RBFOX1: variants seen among roughly 807,000 people sequenced by gnomAD.
The protein encoded by RBFOX1 is RNA binding fox-1 homolog 1.
In RBFOX1, 8 loss-of-function variants were observed where a neutral mutation model predicts 57.7. That is an observed-to-expected ratio of 0.14 (90% CI 0.08 to 0.25). RBFOX1 has a LOEUF of 0.25. Among genes scored for constraint, RBFOX1 ranks in the 10% least tolerant of loss-of-function variants. The pLI is 1.00. For synonymous variants in RBFOX1, 326 were observed against 222.4 expected, an observed-to-expected ratio of 1.47 and a Z score of -4.15; for missense variants, 611 against 548.5, an observed-to-expected ratio of 1.11 and a Z score of -1.14.
At chr16:7,257,302 C>G (rs528696494) in intron 4 of RBFOX1, among the ~76,000 whole-genome samples, 12 of 152,288 alleles carry the variant, frequency 7.9e-5, no homozygotes, top group African/African-American at 2.9e-4. Context: ...AGAACCCACA[C>G]GCTTCCTGTG....
chr16:6,953,284 A>G (rs1036659705), intron 3 of RBFOX1, among the ~76,000 whole-genome samples: 4 of 152,292 alleles, frequency 2.6e-5, no homozygotes, highest in Non-Finnish European at 5.9e-5. Context: ...CACCGAAATA[A>G]GGCAGAACTA....
chr16:7,367,523 G>C (rs936486538), intron 4 of RBFOX1, among the ~76,000 whole-genome samples: 1 of 152,168 alleles, frequency 6.6e-6, no homozygotes, highest in Admixed American at 6.5e-5. Context: ...ATATCATCGT[G>C]AAACATCTCT....
At chr16:6,123,669 C>G (rs1162948196) in intron 1 of RBFOX1, among the ~76,000 whole-genome samples, 5 of 152,162 alleles carry the variant, frequency 3.3e-5, no homozygotes, top group Non-Finnish European at 7.3e-5. Context: ...CTTTGGGAGG[C>G]TGAGGTGGGT....
chr16:6,672,084 G>C (rs1199141338), intron 3 of RBFOX1, among the ~76,000 whole-genome samples: 1 of 152,164 alleles, frequency 6.6e-6, no homozygotes, highest in East Asian at 1.9e-4. Context: ...ATCACATTCG[G>C]TTTCAAAGAC....
Position 5,800,771 on chromosome 16 carries a change from C to G in RBFOX1, c.319-66532C>G, listed in dbSNP as rs1031336985. Among the ~76,000 whole-genome samples the G allele has an allele frequency of 2.6e-5, 4 of 152,140 alleles. No individual in the cohort carries two copies. In the South Asian group the frequency reaches 6.2e-4, roughly 24 times the overall value. On this transcript the variant is annotated intron_variant, in intron 3 of 19. Coordinates refer to the RBFOX1 transcript ENST00000641259. Reference sequence around the variant, plus strand: ...ATAGCTAACAGGGCCGCTCGGAAACCTAAGCAAGGAAGACGTCCTAGTGCC... The same window carrying G: ...ATAGCTAACAGGGCCGCTCGGAAACGTAAGCAAGGAAGACGTCCTAGTGCC...
At chr16:6,759,473 C>CTGTGTGTGTGTGTG (rs71145287) in intron 3 of RBFOX1, among the ~76,000 whole-genome samples, 1 of 143,082 alleles carries the variant, frequency 7.0e-6, no homozygotes, top group African/African-American at 2.7e-5. Flanking sequence ...TGTCAGTTGT[C>CTGTGTGTGTGTGTG]TGTGTGTGTG....
At chr16:7,163,317 G>C (rs1485024973) in intron 4 of RBFOX1, among the ~76,000 whole-genome samples, 1 of 152,138 alleles carries the variant, frequency 6.6e-6, no homozygotes, top group Non-Finnish European at 1.5e-5. Context: ...TTGTCCCCTG[G>C]TGATGAGTAA....
intron 3 of RBFOX1, among the ~76,000 whole-genome samples, chr16:6,828,509 C>G (rs114161316): frequency 6.6e-6 from 1 of 150,842 alleles, no homozygotes; most frequent in Non-Finnish European, 1.5e-5. Context: ...GGCAACAGAG[C>G]GAGACGTGTC....
chr16:7,201,632 T>G (rs952160984), intron 4 of RBFOX1, among the ~76,000 whole-genome samples: 2 of 151,964 alleles, frequency 1.3e-5, no homozygotes, highest in Non-Finnish European at 2.9e-5. Context: ...CTGGCTAATT[T>G]TTAGTATTTT....
chr16:6,649,338 C>G (rs1300108362), intron 2 of RBFOX1, among the ~76,000 whole-genome samples: 1 of 152,110 alleles, frequency 6.6e-6, no homozygotes, highest in Middle Eastern at 3.2e-3. Flanking sequence ...TTATGTGGTT[C>G]TTCCTTGATG....
At chr16:7,199,092 G>A (rs1344293728) in intron 4 of RBFOX1, among the ~76,000 whole-genome samples, 1 of 152,176 alleles carries the variant, frequency 6.6e-6, no homozygotes, top group South Asian at 2.1e-4. Flanking sequence ...CTCCTCCCCA[G>A]AGGAAGAACA....
intron 1 of RBFOX1, among the ~76,000 whole-genome samples, chr16:6,079,556 T>C (rs1404583836): frequency 6.7e-6 from 1 of 149,128 alleles, no homozygotes; most frequent in Non-Finnish European, 1.5e-5. Context: ...ACTCCTGGGC[T>C]CAACTGATCC....
At chr16:7,702,676 C>T (rs2081146151) in intron 14 of RBFOX1, among the ~76,000 whole-genome samples, 1 of 152,180 alleles carries the variant, frequency 6.6e-6, no homozygotes, top group Non-Finnish European at 1.5e-5. Flanking sequence ...GCTGTGACTC[C>T]TTTCCAGCCC....
chr16:6,734,951 G>A (rs1370375856), intron 3 of RBFOX1, among the ~76,000 whole-genome samples: 2 of 152,154 alleles, frequency 1.3e-5, no homozygotes, highest in Non-Finnish European at 1.5e-5. Context: ...ACTGGCATGG[G>A]CAACACAGTG....
At chr16:5,255,209 C>T (rs1477593593) in intron 1 of RBFOX1, among the ~76,000 whole-genome samples, 1 of 152,132 alleles carries the variant, frequency 6.6e-6, no homozygotes, top group African/African-American at 2.4e-5. Context: ...CCCCCTTGCC[C>T]ACCCACCTGC....
At chr16:5,700,208 A>C (rs1567415042) in intron 3 of RBFOX1, among the ~76,000 whole-genome samples, 1 of 152,220 alleles carries the variant, frequency 6.6e-6, no homozygotes, top group Non-Finnish European at 1.5e-5. Context: ...ATTTAAAAAG[A>C]ATGCAAACTA....
chr16:7,126,815 T>C (rs2068679853), intron 4 of RBFOX1, among the ~76,000 whole-genome samples: 1 of 151,958 alleles, frequency 6.6e-6, no homozygotes, highest in South Asian at 2.1e-4. Context: ...TCTTTTAGCC[T>C]GGCCAATACG....
At chr16:7,030,665 T>G (rs1247077676) in intron 3 of RBFOX1, among the ~76,000 whole-genome samples, 2 of 152,220 alleles carry the variant, frequency 1.3e-5, no homozygotes, top group Non-Finnish European at 2.9e-5. Flanking sequence ...TCTTGATCCT[T>G]ACCTTATTTA....
intron 4 of RBFOX1, among the ~76,000 whole-genome samples, chr16:7,328,494 A>AG (rs2096642452): frequency 6.6e-6 from 1 of 151,160 alleles, no homozygotes; most frequent in Non-Finnish European, 1.5e-5. Flanking sequence ...AAAAAAAAAA[A>AG]AAAAAAGAAG....
Sources: allele counts gnomAD v4.1 joint callset (sites outside exome capture counted in the v4.1 genomes callset), GRCh38; gene constraint gnomAD v4.1.1; transcripts MANE v1.5; gene names NCBI Gene and HGNC (gene_info 2026-07-23, HGNC 2026-07-21).